The following SIPA1L1 variants were observed in gnomAD, a reference collection of about 807,000 sequenced individuals.
SIPA1L1 encodes signal induced proliferation associated 1 like 1, also known as signal-induced proliferation-associated 1-like protein 1.
Under a neutral mutation model 162.7 loss-of-function variants are expected in SIPA1L1, and 26 were observed. That is an observed-to-expected ratio of 0.16 (90% confidence interval 0.12 to 0.22). The LOEUF (loss-of-function observed/expected upper bound fraction) is 0.22. Ranked by LOEUF, SIPA1L1 falls within the 10% of genes least tolerant of loss-of-function variation. The pLI is 1.00. For missense variants in SIPA1L1, 1,874 were observed against 2,241.0 expected (o/e 0.84, Z 3.31); for synonymous variants, 829 against 837.4 (o/e 0.99, Z 0.17).
Position 71,342,312 on chromosome 14 carries a change from A to G in SIPA1L1, c.-465+21131A>G, listed in dbSNP as rs539760690. Among the ~76,000 whole-genome samples the G allele has an allele frequency of 7.9e-5, 12 of 152,192 alleles. No homozygotes were observed. The East Asian group carries it at 2.3e-3, about 29-fold the overall frequency. On this transcript the variant is annotated intron_variant, in intron 2 of 23. Coordinates refer to ENST00000381232, the MANE Select transcript of SIPA1L1 (RefSeq NM_001386936.1). ...TGGGATTAGAGATGTGAGCCACCGT[A>G]CCTGGCCTGTTTTCCTTTGGGTATA... is the stretch of plus-strand genomic sequence containing the variant.
At chr14:71,399,274 T>A (rs2041475819) in intron 2 of SIPA1L1, among the ~76,000 whole-genome samples, 1 of 152,236 alleles carries the variant, frequency 6.6e-6, no homozygotes, top group Non-Finnish European at 1.5e-5. Context: ...GATGTTTGTA[T>A]TATCCACCCC....
At chr14:71,571,913 A>G (rs550307838) in intron 4 of SIPA1L1, among the ~76,000 whole-genome samples, 208 of 151,738 alleles carry the variant, frequency 1.4e-3, no homozygotes, top group Non-Finnish European at 2.5e-3. Flanking sequence ...CAGCCTCCCA[A>G]AGTGCTGGGA....
At chr14:71,518,358 A>G (rs572339922) in intron 3 of SIPA1L1, among the ~76,000 whole-genome samples, 2 of 152,290 alleles carry the variant, frequency 1.3e-5, no homozygotes, top group South Asian at 4.1e-4. Flanking sequence ...TATAGAGAGT[A>G]GAACAGGAAT....
chr14:71,615,472 A>G (rs1232923351), intron 5 of SIPA1L1, among the ~76,000 whole-genome samples: 1 of 152,232 alleles, frequency 6.6e-6, no homozygotes, highest in East Asian at 1.9e-4. Flanking sequence ...ACAAACACTC[A>G]GGCAAGTGAT....
chr14:71,348,476 C>G (rs1052652957), intron 2 of SIPA1L1, among the ~76,000 whole-genome samples: 2 of 152,124 alleles, frequency 1.3e-5, no homozygotes, highest in Non-Finnish European at 2.9e-5. Context: ...CAATATCCAA[C>G]TCTTTATACT....
chr14:71,589,232 C>T lies in SIPA1L1; in HGVS notation c.1360C>T (p.His454Tyr). ...SASFESTLSS[H>Y]CTNAGVAVLE... ...CTCCTTTGAGTCTACCCTTAGTTCC[C>T]ATTGCACAAATGCAGGAGTGGCAGT... Residue 454 changes from histidine (H) to tyrosine (Y), a missense_variant, in exon 5 of 24, where the codon CAT becomes TAT. Physicochemically the swap from His to Tyr is moderately conservative, Grantham distance 83 (BLOSUM62 2). This residue lies in a region of SIPA1L1 where 685 missense variants were observed against 828.0 expected (regional missense o/e 0.83). Coordinates refer to ENST00000381232, the MANE Select transcript of SIPA1L1 (RefSeq NM_001386936.1). 6.2e-7 allele frequency: 1 copy of T among 1,614,068 alleles called. No homozygotes were observed. Among genetic ancestry groups the T allele is most frequent in the Non-Finnish European group, 8.5e-7 (1 of 1,179,954 alleles).
At chr14:71,386,816 A>G (rs2040357560) in intron 2 of SIPA1L1, among the ~76,000 whole-genome samples, 1 of 152,196 alleles carries the variant, frequency 6.6e-6, no homozygotes, top group Non-Finnish European at 1.5e-5. Flanking sequence ...GACCAAGTTG[A>G]TCTACTGAGG....
At chr14:71,402,933 T>A (rs572382221) in intron 2 of SIPA1L1, among the ~76,000 whole-genome samples, 1 of 152,338 alleles carries the variant, frequency 6.6e-6, no homozygotes. Flanking sequence ...AACAGTTTTA[T>A]AACTGCCGCT....
chr14:71,617,070 G>C (rs1237404629), intron 5 of SIPA1L1, among the ~76,000 whole-genome samples: 1 of 152,148 alleles, frequency 6.6e-6, no homozygotes, highest in Admixed American at 6.5e-5. Context: ...TATCCTCTGA[G>C]GGTATCAAAG....
chr14:71,492,955 C>CT (rs1399774510), intron 2 of SIPA1L1, among the ~76,000 whole-genome samples: 1 of 152,030 alleles, frequency 6.6e-6, no homozygotes, highest in Non-Finnish European at 1.5e-5. Flanking sequence ...CATTTACCTC[C>CT]TTTTTTGTTG....
chr14:71,384,449 C>A (rs1037239523), intron 2 of SIPA1L1, among the ~76,000 whole-genome samples: 1 of 152,140 alleles, frequency 6.6e-6, no homozygotes, highest in African/African-American at 2.4e-5. Flanking sequence ...ATGAGTGGTG[C>A]ACGGGAATGG....
At chr14:71,630,044 G>A (rs1200415426) in intron 7 of SIPA1L1, among the ~76,000 whole-genome samples, 1 of 152,114 alleles carries the variant, frequency 6.6e-6, no homozygotes, top group Non-Finnish European at 1.5e-5. Flanking sequence ...TGATCCATAG[G>A]GGAAATATTT....
chr14:71,563,303 C>T, intron 4 of SIPA1L1, among the ~76,000 whole-genome samples: 1 of 150,364 alleles, frequency 6.7e-6, no homozygotes, highest in African/African-American at 2.4e-5. Context: ...ATAATAGTAC[C>T]TCCTCGTTTT....
chr14:71,583,863 A>G (rs2034258799), intron 4 of SIPA1L1, among the ~76,000 whole-genome samples: 1 of 152,176 alleles, frequency 6.6e-6, no homozygotes, highest in Non-Finnish European at 1.5e-5. Context: ...GCAGGCACCT[A>G]CAGTATCAAC....
At chr14:71,590,564 C>G (rs1324807632) in intron 5 of SIPA1L1, among the ~76,000 whole-genome samples, 2 of 152,110 alleles carry the variant, frequency 1.3e-5, no homozygotes, top group Non-Finnish European at 2.9e-5. Context: ...AGGTCCCATT[C>G]CAGAAGGCTT....
At chr14:71,568,856 T>C (rs533014212) in intron 4 of SIPA1L1, among the ~76,000 whole-genome samples, 3 of 152,330 alleles carry the variant, frequency 2.0e-5, no homozygotes, top group East Asian at 1.9e-4. Flanking sequence ...CATACTGTCC[T>C]TAGGAAGACA....
At chr14:71,322,267 T>A (rs1323782767) in intron 2 of SIPA1L1, among the ~76,000 whole-genome samples, 1 of 152,246 alleles carries the variant, frequency 6.6e-6, no homozygotes, top group Non-Finnish European at 1.5e-5. Context: ...GTGTCAACTT[T>A]CTCCTGTTTT....
intron 2 of SIPA1L1, among the ~76,000 whole-genome samples, chr14:71,393,402 T>C (rs1379458665): frequency 6.6e-6 from 1 of 152,196 alleles, no homozygotes; most frequent in Non-Finnish European, 1.5e-5. Context: ...GTGTACACTA[T>C]GGACAACTAA....
intron 4 of SIPA1L1, among the ~76,000 whole-genome samples, chr14:71,554,340 A>T (rs2056153430): frequency 4.6e-5 from 2 of 43,732 alleles, no homozygotes; most frequent in South Asian, 1.8e-3. Context: ...TTAAAAGCAG[A>T]TGACCTTAAA....
Sources: gnomAD v4.1 joint callset for allele counts (sites outside exome capture counted in the v4.1 genomes callset) on GRCh38, gnomAD v4.1.1 for gene constraint, gnomAD v4.1.1 regional missense constraint, MANE v1.5 for transcripts, NCBI Gene and HGNC (gene_info 2026-07-23, HGNC 2026-07-21) for gene names.